ANKRD30A: variants seen among roughly 807,000 people sequenced by gnomAD.
ANKRD30A encodes ankyrin repeat domain 30A, also known as ankyrin repeat domain-containing protein 30A.
A neutral mutation model predicts 166.3 loss-of-function variants in ANKRD30A; 170 were observed. The observed-to-expected ratio is 1.02, with a 90% CI of 0.90 to 1.16. The LOEUF is 1.16. ANKRD30A is among the 50% of genes most tolerant of loss of function. The pLI is 0.00. For synonymous variants in ANKRD30A, 564 were observed against 508.9 expected, an observed-to-expected ratio of 1.11 and a Z score of -1.46; for missense variants, 1,630 against 1,518.0, an observed-to-expected ratio of 1.07 and a Z score of -1.23.
In ANKRD30A at chr10:37,151,544, T is replaced by C. The variant is rs1837938116; in HGVS notation, c.1646-516T>C. The stretch of plus-strand genomic sequence containing the variant: ...CCAAAACACACCCAATACACTGTCA[T>C]AGAATATTGAAATGTAAAAGGATTG... On this transcript the variant is annotated intron_variant, in intron 11 of 35. Coordinates refer to ENST00000361713, the MANE Select transcript of ANKRD30A (RefSeq NM_052997.3). 3.3e-5 allele frequency among the ~76,000 whole-genome samples: 5 copies of C among 152,050 alleles called. No homozygotes were observed. The South Asian group carries it at 1.0e-3, about 31-fold the overall frequency.
At chr10:37,161,997 T>G (rs191891181) in intron 15 of ANKRD30A, among the ~76,000 whole-genome samples, 275 of 152,330 alleles carry the variant, frequency 1.8e-3, no homozygotes, top group Non-Finnish European at 3.2e-3. Context: ...AATTTTTATA[T>G]AAATATGTCA....
intron 34 of ANKRD30A, among the ~76,000 whole-genome samples, chr10:37,229,418 A>G (rs1843313627): frequency 1.3e-5 from 2 of 152,014 alleles, no homozygotes; most frequent in South Asian, 4.1e-4. Context: ...TATCTCCTCT[A>G]TATATGTATG....
At chr10:37,139,957 A>G (rs990364974) in intron 6 of ANKRD30A, among the ~76,000 whole-genome samples, 1 of 152,230 alleles carries the variant, frequency 6.6e-6, no homozygotes, top group Non-Finnish European at 1.5e-5. Context: ...CTTTACTAGT[A>G]GTCCACTGTT....
chr10:37,165,665 G>A (rs1474307211), intron 18 of ANKRD30A, among the ~76,000 whole-genome samples: 1 of 152,054 alleles, frequency 6.6e-6, no homozygotes, highest in Non-Finnish European at 1.5e-5. Context: ...AGAAAAGCAT[G>A]AGGAATAGGA....
intron 34 of ANKRD30A, among the ~76,000 whole-genome samples, chr10:37,224,103 T>C (rs1843015778): frequency 6.6e-6 from 1 of 151,332 alleles, no homozygotes; most frequent in Admixed American, 6.6e-5. Flanking sequence ...TTTGAATACC[T>C]AAATATCACA....
At chr10:37,257,027 T>C in the ANKRD30A span, among the ~76,000 whole-genome samples, 1 of 150,886 alleles carries the variant, frequency 6.6e-6, no homozygotes, top group Non-Finnish European at 1.5e-5. Flanking sequence ...GGTCCTGGGC[T>C]TTTTTTTTGG....
chr10:37,234,226 TTTTAC>T (rs777149551), downstream of ANKRD30A, among the ~76,000 whole-genome samples: 3 of 152,168 alleles, frequency 2.0e-5, no homozygotes, highest in Non-Finnish European at 4.4e-5. Flanking sequence ...TTTTCCAAAC[TTTTAC>T]TTTGTTTTTT....
At chr10:37,197,838 A>T (rs764685257) in intron 29 of ANKRD30A, among the ~76,000 whole-genome samples, 1 of 151,804 alleles carries the variant, frequency 6.6e-6, no homozygotes, top group Non-Finnish European at 1.5e-5. Context: ...TATTTCGGGG[A>T]TCCCATCTTT....
Position 37,149,796 on chromosome 10 carries a change from ACT to A in ANKRD30A, c.1595_1596del (p.Ser532CysfsTer4). ...ATTTAGCCTGCCATTGAAATGCAAA[ACT>A]CTGTTCCAAATAAAGCCTTTGAATT... On this transcript the variant is annotated frameshift_variant, in exon 11 of 36. Transcript: ENST00000361713. LOFTEE classifies it high-confidence loss of function. The A allele has an allele frequency of 1.9e-6, 3 of 1,612,874 alleles. No individual in the cohort carries two copies. The highest frequency in any genetic ancestry group is 1.7e-4 in the Middle Eastern group (1 of 6,050).
chr10:37,226,228 GT>G (rs1843145005), intron 34 of ANKRD30A, among the ~76,000 whole-genome samples: 1 of 150,272 alleles, frequency 6.7e-6, no homozygotes, highest in Non-Finnish European at 1.5e-5. Context: ...TTTACATTAG[GT>G]ATATCTCCTA....
the ANKRD30A span, among the ~76,000 whole-genome samples, chr10:37,250,318 C>T: frequency 6.6e-6 from 1 of 151,920 alleles, no homozygotes; most frequent in Non-Finnish European, 1.5e-5. Context: ...CCATACAGGT[C>T]AGGGAGGTGT....
the ANKRD30A span, among the ~76,000 whole-genome samples, chr10:37,257,155 C>G: frequency 6.6e-6 from 1 of 151,682 alleles, no homozygotes; most frequent in African/African-American, 2.4e-5. Context: ...TTATCCATTT[C>G]TTCTATATGT....
rs1206653087 is a variant in ANKRD30A, at chr10:37,183,637, G to C, written c.2422-5830G>C. Reference sequence around the variant, plus strand: ...TAGAGAGGATCTAGACTTTTCATCTGTTTACATGGGAAGAAGTAGTTCAGT... The same window carrying C: ...TAGAGAGGATCTAGACTTTTCATCTCTTTACATGGGAAGAAGTAGTTCAGT... On this transcript the variant is annotated intron_variant, in intron 24 of 35. Coordinates refer to ENST00000361713, the MANE Select transcript of ANKRD30A (RefSeq NM_052997.3). Among the ~76,000 whole-genome samples the C allele has an allele frequency of 8.8e-5, 13 of 147,392 alleles. 1 individual carries two copies. The highest frequency in any genetic ancestry group is 8.2e-4 in the Admixed American group (12 of 14,592).
At chr10:37,142,647 C>T (rs934959713) in intron 7 of ANKRD30A, among the ~76,000 whole-genome samples, 2 of 136,508 alleles carry the variant, frequency 1.5e-5, no homozygotes, top group Non-Finnish European at 3.0e-5. Flanking sequence ...TGCAATGGCA[C>T]GAGTGATCTC....
intron 31 of ANKRD30A, among the ~76,000 whole-genome samples, chr10:37,207,793 G>A (rs987225483): frequency 6.6e-6 from 1 of 151,840 alleles, no homozygotes; most frequent in South Asian, 2.1e-4. Flanking sequence ...TGACAGAATA[G>A]TCTCATACCT....
chr10:37,245,712 T>G, the ANKRD30A span, among the ~76,000 whole-genome samples: 2 of 152,146 alleles, frequency 1.3e-5, no homozygotes, highest in Non-Finnish European at 2.9e-5. Context: ...CTTATCTGGC[T>G]GCAATCAAGG....
intron 31 of ANKRD30A, among the ~76,000 whole-genome samples, chr10:37,204,472 A>G (rs1478191047): frequency 6.6e-6 from 1 of 152,174 alleles, no homozygotes; most frequent in Non-Finnish European, 1.5e-5. Context: ...TTAATTCAAG[A>G]TGGATTAAAG....
At chr10:37,261,108 T>C in the ANKRD30A span, among the ~76,000 whole-genome samples, 1 of 152,220 alleles carries the variant, frequency 6.6e-6, no homozygotes, top group Non-Finnish European at 1.5e-5. Context: ...CTGAGGCTTA[T>C]CTTAAAAATA....
chr10:37,229,932 C>A (rs1008797437), intron 34 of ANKRD30A, among the ~76,000 whole-genome samples: 3 of 151,774 alleles, frequency 2.0e-5, no homozygotes, highest in African/African-American at 7.3e-5. Flanking sequence ...AGCTTTTATC[C>A]AATGTGTTAC....
Sources: gnomAD v4.1 joint callset for allele counts (sites outside exome capture counted in the v4.1 genomes callset) on GRCh38, gnomAD v4.1.1 for gene constraint, MANE v1.5 for transcripts, NCBI Gene and HGNC (gene_info 2026-07-23, HGNC 2026-07-21) for gene names.